NOTCH1: variants seen among roughly 807,000 people sequenced by gnomAD.
The protein encoded by NOTCH1 is neurogenic locus notch homolog protein 1.
Under a neutral mutation model 254.8 loss-of-function variants are expected in NOTCH1, and 37 were observed. The observed-to-expected ratio is 0.15, with a 90% CI of 0.11 to 0.19. The LOEUF (loss-of-function observed/expected upper bound fraction) is 0.19, where lower values mean the gene tolerates loss of function less well. Ranked by LOEUF, NOTCH1 falls within the 10% of genes least tolerant of loss-of-function variation. The probability of loss-of-function intolerance (pLI) is 1.00; values close to 1 mark genes in which losing one functional copy is unlikely to be tolerated. For missense variants in NOTCH1, 2,972 were observed against 3,708.6 expected (o/e 0.80, Z 5.16); for synonymous variants, 1,731 against 1,618.1 (o/e 1.07, Z -1.68).
rs754368405 is a variant in NOTCH1 at position 136,505,156 on chromosome 9, C to T, written c.4587-52G>A. 86 of 1,568,618 alleles carry T rather than the reference C, an allele frequency of 5.5e-5. 2 individuals carry two copies. In the East Asian group the frequency reaches 6.6e-4, roughly 12 times the overall value. ...CGCCTTCCTCGGGGGGCCTCGCACC[C>T]GCCGTCCGGTGCCTCCAGCCCACTG... On this transcript the variant is annotated intron_variant, in intron 25 of 33. Transcript: ENST00000651671.
chr9:136,510,237 GGA>G lies in NOTCH1; in HGVS notation c.2741-278_2741-277del, dbSNP rs1243355412. Among the ~76,000 whole-genome samples the G allele has an allele frequency of 2.0e-5, 3 of 152,346 alleles. No homozygotes were observed. The East Asian group carries it at 5.8e-4, about 29-fold the overall frequency. On this transcript the variant is annotated intron_variant, in intron 17 of 33. Coordinates refer to ENST00000651671, the MANE Select transcript of NOTCH1 (RefSeq NM_017617.5). ...CAGGCTTCACAGACCGAGCAGGGGA[GGA>G]GAGACAGTTCTTGCCTCTGCCTGCC... is the stretch of plus-strand genomic sequence containing the variant.
Position 136,495,813 on chromosome 9 carries a change from ACTTG to A in NOTCH1, c.*254_*257del, listed in dbSNP as rs1408192054. 1.6e-5 allele frequency: 7 copies of A among 436,052 alleles called. 1 individual carries two copies. The highest frequency in any genetic ancestry group is 1.2e-4 in the African/African-American group (6 of 49,610). 27.0% of individuals were successfully genotyped at this position (436,052 alleles called of 1,614,324 possible). ...ACGTAGGAAAACCCTGGCTCTCAGA[ACTTG>A]CTTGTTTTCTCAGAATAGATAAAAG... On this transcript the variant is annotated 3_prime_UTR_variant, in exon 34 of 34. Coordinates refer to ENST00000651671, the MANE Select transcript of NOTCH1 (RefSeq NM_017617.5).
intron 2 of NOTCH1, among the ~76,000 whole-genome samples, chr9:136,535,036 C>T (rs1472599670): frequency 6.6e-6 from 1 of 150,914 alleles, no homozygotes; most frequent in African/African-American, 2.5e-5. Context: ...GAGTCCGTCC[C>T]CACAGGCCCC....
rs756271917 is a variant in NOTCH1 at position 136,501,800 on chromosome 9, C to A, written c.5586G>T (p.Pro1862=). 3 of 1,612,686 alleles carry A rather than the reference C, an allele frequency of 1.9e-6. No homozygotes were observed. The highest frequency in any genetic ancestry group is 1.7e-5 in the Admixed American group (1 of 60,018). ...DLRMSAMAPT[P]PQGEVDADCM... ...AGTCGGCGTCAACCTCACCCTGGGG[C>A]GGTGTGGGGGCCATGGCAGACATGC... The change falls in exon 30 of 34, where the codon CCG becomes CCT. Residue 1862 remains proline (P), a synonymous_variant. Transcript: ENST00000651671.
chr9:136,497,507 T>C lies in NOTCH1; in HGVS notation c.6232A>G (p.Lys2078Glu), dbSNP rs1186927156. 1 of 1,607,366 alleles carries C rather than the reference T, an allele frequency of 6.2e-7. No individual in the cohort carries two copies. The highest frequency in any genetic ancestry group is 8.5e-7 in the Non-Finnish European group (1 of 1,177,700). ...AAREGSYETA[K>E]VLLDHFANRD... ...TTGGCAAAGTGGTCCAGCAGCACCT[T>C]GGCGGTCTCGTAGCTGCCCTCCCGG... The change falls in exon 34 of 34, where the codon AAG (lysine) becomes GAG (glutamate). Residue 2078 changes from lysine (K) to glutamate (E), a missense_variant. Around this residue, in one of 8 missense-constraint regions of NOTCH1, gnomAD observed 421 missense variants for 604.4 expected, o/e 0.70. Transcript: ENST00000651671.
chr9:136,505,159 C>A (rs151276623), intron 25 of NOTCH1, 55 bp from the exon 26 acceptor site: 1 of 1,563,054 alleles, frequency 6.4e-7, no homozygotes, highest in East Asian at 2.3e-5. Context: ...TCGCACCCGC[C>A]GTCCGGTGCC....
At chr9:136,511,307 C>T (rs1843178547) in intron 15 of NOTCH1, 36 bp from the exon 16 acceptor site, 1 of 1,586,936 alleles carries the variant, frequency 6.3e-7, no homozygotes, top group East Asian at 2.3e-5. Flanking sequence ...CCGGGAGCCT[C>T]ACCCAGAGGG....
At chr9:136,531,597 C>G (rs1442710339) in intron 2 of NOTCH1, among the ~76,000 whole-genome samples, 1 of 152,180 alleles carries the variant, frequency 6.6e-6, no homozygotes, top group African/African-American at 2.4e-5. Flanking sequence ...GAGAGAGACC[C>G]AGCCTCCCGC....
At position 136,513,574 on chromosome 9, in the gene NOTCH1, C is replaced by T. The variant is rs768550984; in HGVS notation, c.2208-37G>A. On this transcript the variant is annotated intron_variant, in intron 13 of 33. Coordinates refer to ENST00000651671, the MANE Select transcript of NOTCH1 (RefSeq NM_017617.5). This position sits in a 1 kb window ranked among gnomAD's most constrained non-coding sequence, Gnocchi z 4.7. Reference sequence around the variant, plus strand: ...ACCACACTGCAGGTCGAGGGAGGCCCGAGCAGCACGGCCGGGGCCTGGGCA... The same window carrying T: ...ACCACACTGCAGGTCGAGGGAGGCCTGAGCAGCACGGCCGGGGCCTGGGCA... The T allele has an allele frequency of 1.2e-5, 20 of 1,611,300 alleles. No individual in the cohort carries two copies. The African/African-American group carries it at 1.5e-4, about 12-fold the overall frequency.
chr9:136,496,704 G>A lies in NOTCH1; in HGVS notation c.7035C>T (p.Gly2345=), dbSNP rs1046365182. 1 of 1,612,838 alleles carries A rather than the reference G, an allele frequency of 6.2e-7. No individual in the cohort carries two copies. The highest frequency in any genetic ancestry group is 8.5e-7 in the Non-Finnish European group (1 of 1,179,976). ...LSTQAPSLQH[G]MVGPLHSSLA... is the part of the protein sequence containing the mutation. ...GGCTACTGTGCAGCGGGCCTACCAT[G>A]CCATGCTGCAGGGAGGGGGCCTGTG... The change falls in exon 34 of 34, where the codon GGC becomes GGT. Residue 2345 remains glycine (G), a synonymous_variant. Transcript: ENST00000651671.
rs755844275 is a variant in NOTCH1, at chr9:136,496,770, G to A, written c.6969C>T (p.Tyr2323=). 1.2e-5 allele frequency: 19 copies of A among 1,612,772 alleles called. No homozygotes were observed. Among genetic ancestry groups the A allele is most frequent in the East Asian group, 2.2e-5 (1 of 44,890 alleles). ...GTGCCACACTCCCCCGCAGAGGGTT[G>A]TATTGGTTCGGCACCATGCCGCTCT... ...RLQSGMVPNQ[Y]NPLRGSVAPG... The change falls in exon 34 of 34, where the codon TAC becomes TAT. Residue 2323 remains tyrosine, a synonymous_variant. Transcript: ENST00000651671.
At chr9:136,511,036 C>T (rs1405070858) in intron 16 of NOTCH1, 116 bp downstream of exon 16, 1 of 1,526,402 alleles carries the variant, frequency 6.6e-7, no homozygotes, top group East Asian at 2.3e-5. Flanking sequence ...CCAGGGCCTC[C>T]TCAGCACCCA....
intron 31 of NOTCH1, among the ~76,000 whole-genome samples, chr9:136,499,473 C>T (rs1564569754): frequency 6.6e-6 from 1 of 152,332 alleles, no homozygotes; most frequent in East Asian, 1.9e-4. Flanking sequence ...ACAGACAGGC[C>T]CCTTGGTGAC....
At position 136,496,840 on chromosome 9, in the gene NOTCH1, C is replaced by T; in HGVS notation, c.6899G>A (p.Gly2300Glu). The change falls in exon 34 of 34, where the codon GGG becomes GAG. Residue 2300 changes from glycine to glutamate, a missense_variant. Transcript: ENST00000651671. Reference sequence around the variant, plus strand: ...GCATTGACCATTCAAACTGGTGGACCCGCCCACAGTGAAATTCAGGGCCCC... The same window carrying T: ...GCATTGACCATTCAAACTGGTGGACTCGCCCACAGTGAAATTCAGGGCCCC... ...SGGALNFTVG[G>E]STSLNGQCEW... 6.2e-7 allele frequency: 1 copy of T among 1,612,950 alleles called. No homozygotes were observed. Among genetic ancestry groups the T allele is most frequent in the Non-Finnish European group, 8.5e-7 (1 of 1,180,002 alleles).
rs1182867386 is a variant in NOTCH1, at chr9:136,515,353, C to T, written c.1951G>A (p.Asp651Asn). The T allele has an allele frequency of 9.9e-6, 16 of 1,613,050 alleles. No individual in the cohort carries two copies. Among genetic ancestry groups the T allele is most frequent in the East Asian group, 2.2e-5 (1 of 44,880 alleles). ...NLDDCASSPC[D>N]SGTCLDKIDG... Reference sequence around the variant, plus strand: ...ATCTTGTCCAGACAGGTGCCCGAGTCGCAGGGGCTGCTGGCACAGTCATCC... The same window carrying T: ...ATCTTGTCCAGACAGGTGCCCGAGTTGCAGGGGCTGCTGGCACAGTCATCC... Residue 651 changes from aspartate (D) to asparagine (N), a missense_variant, in exon 12 of 34, where the codon GAC becomes AAC. Asp to Asn is a conservative substitution (Grantham distance 23). Coordinates refer to ENST00000651671, the MANE Select transcript of NOTCH1 (RefSeq NM_017617.5).
chr9:136,509,202 C>A, intron 18 of NOTCH1, 131 bp from the exon 19 acceptor site: 7 of 918,882 alleles, frequency 7.6e-6, no homozygotes, highest in Non-Finnish European at 1.2e-5. Context: ...AGGCCCAGGG[C>A]AGCCTGGCTG....
At chr9:136,497,700 C>T (rs1260432512) in intron 33 of NOTCH1, 142 bp from the exon 34 acceptor site, 2 of 658,818 alleles carry the variant, frequency 3.0e-6, no homozygotes, top group African/African-American at 3.6e-5. Context: ...GACCCCACCC[C>T]AGCGTCCTGC....
rs560826996 is a variant in NOTCH1, at chr9:136,523,181, C to T, written c.411G>A (p.Ser137=). 1.9e-5 allele frequency: 30 copies of T among 1,601,236 alleles called. No homozygotes were observed. The highest frequency in any genetic ancestry group is 1.3e-4 in the African/African-American group (10 of 74,758). ...CRCPPGWSGK[S]CQQADPCASN... is the part of the protein sequence containing the mutation. ...AGGCGCACGGGTCAGCCTGCTGGCA[C>T]GATTTCCCTGGAGACAAGGGGACAA... is the stretch of plus-strand genomic sequence containing the variant. The change falls in exon 4 of 34, where the codon TCG becomes TCA. Residue 137 remains serine, a synonymous_variant. Coordinates refer to ENST00000651671, the MANE Select transcript of NOTCH1 (RefSeq NM_017617.5).
At chr9:136,541,045 C>G (rs991260337) in intron 2 of NOTCH1, among the ~76,000 whole-genome samples, 3 of 152,166 alleles carry the variant, frequency 2.0e-5, no homozygotes, top group South Asian at 2.1e-4. Flanking sequence ...GATGAGGGGG[C>G]TAGAGAAGAG....
Sources: gnomAD v4.1 joint callset for allele counts (sites outside exome capture counted in the v4.1 genomes callset) on GRCh38, gnomAD v4.1.1 for gene constraint, gnomAD v4.1.1 regional missense constraint, Gnocchi (gnomAD v3.1) non-coding constraint, MANE v1.5 for transcripts, NCBI Gene and HGNC (gene_info 2026-07-23, HGNC 2026-07-21) for gene names.